The following MED13 variants were observed in gnomAD, a reference collection of about 807,000 sequenced individuals.
The protein encoded by MED13 is mediator complex subunit 13.
In MED13, 23 loss-of-function variants were observed where a neutral mutation model predicts 225.2. That is an observed-to-expected ratio of 0.10 (90% CI 0.07 to 0.14). MED13 has a LOEUF of 0.14. MED13 is among the 10% of genes least tolerant of loss of function. MED13 has a pLI of 1.00. For missense variants in MED13, 2,197 were observed against 2,594.5 expected, an observed-to-expected ratio of 0.85 and a Z score of 3.33; for synonymous variants, 942 against 889.2, an observed-to-expected ratio of 1.06 and a Z score of -1.06.
rs757108446 is a variant in MED13 at position 62,031,481 on chromosome 17, C to T, written c.972G>A (p.Thr324=). The change falls in exon 6 of 30, where the codon ACG becomes ACA. Residue 324 remains threonine (T), a synonymous_variant. Coordinates refer to ENST00000397786, the MANE Select transcript of MED13 (RefSeq NM_005121.3). ...CCTCAGGAGACGTAGGTGGTGTAAG[C>T]GTAACCGAAGACATAGCAGGATCTC... ...STRDPAMSSV[T]LTPPTSPEEV... 24 of 1,612,818 alleles carry T rather than the reference C, an allele frequency of 1.5e-5. No homozygotes were observed. Among genetic ancestry groups the T allele is most frequent in the African/African-American group, 5.3e-5 (4 of 74,856 alleles).
chr17:62,059,013 A>C (rs1322287299), intron 2 of MED13, among the ~76,000 whole-genome samples: 1 of 152,246 alleles, frequency 6.6e-6, no homozygotes. Flanking sequence ...GCACTATGGA[A>C]TCTGAACAGA....
intron 8 of MED13, among the ~76,000 whole-genome samples, chr17:62,022,719 C>G (rs1321129633): frequency 1.3e-5 from 2 of 152,074 alleles, no homozygotes; most frequent in East Asian, 3.9e-4. Context: ...CAGAATAATA[C>G]TTATGTGAGG....
chr17:61,947,297 T>G (rs2079859034), intron 28 of MED13, among the ~76,000 whole-genome samples: 1 of 151,904 alleles, frequency 6.6e-6, no homozygotes, highest in Admixed American at 6.6e-5. Context: ...CCTCCCAAAG[T>G]GCTGGGATTA....
chr17:62,047,428 A>C (rs975865723), intron 3 of MED13, among the ~76,000 whole-genome samples: 1 of 152,126 alleles, frequency 6.6e-6, no homozygotes, highest in African/African-American at 2.4e-5. Context: ...GCTGGAAACC[A>C]TCATCCTCAG....
chr17:61,946,309 T>C lies in MED13; in HGVS notation c.*159A>G, dbSNP rs942754600. On this transcript the variant is annotated 3_prime_UTR_variant, in exon 30 of 30. Transcript: ENST00000397786. ...TAGAGTCAATGAAAAATAGCAGGGT[T>C]ATAGCCCCTCCCCCCAAGTCAAAAC... 4 of 796,202 alleles carry C rather than the reference T, an allele frequency of 5.0e-6. No individual in the cohort carries two copies. Among genetic ancestry groups the C allele is most frequent in the Non-Finnish European group, 7.7e-6 (4 of 518,844 alleles). The allele number at this position is 796,202 out of a possible 1,614,324, so 49.3% of individuals were successfully genotyped here.
chr17:62,055,683 C>T (rs1326250187), intron 2 of MED13, among the ~76,000 whole-genome samples: 2 of 151,688 alleles, frequency 1.3e-5, no homozygotes, highest in East Asian at 1.9e-4. Context: ...CTTAGCTGGG[C>T]GAGATGGCAT....
At chr17:61,969,199 T>C (rs2080085133) in intron 17 of MED13, among the ~76,000 whole-genome samples, 2 of 152,000 alleles carry the variant, frequency 1.3e-5, no homozygotes, top group African/African-American at 4.8e-5. Context: ...CTATTAAAAA[T>C]ACAAAATTAG....
chr17:62,049,789 G>A (rs906974865), intron 3 of MED13, among the ~76,000 whole-genome samples: 5 of 151,868 alleles, frequency 3.3e-5, no homozygotes, highest in African/African-American at 1.2e-4. Context: ...AATTAGCTGG[G>A]CGTGGTGGCG....
At position 61,995,335 on chromosome 17, in the gene MED13, T is replaced by C; in HGVS notation, c.1998A>G (p.Lys666=). ...ELMVQCKKPL[K]VSDELVQQYQ... ...ATTGCTGCACTAATTCATCAGAAACTTTTAAAGGTTTCTTACATTGCACCA... is the reference window on the plus strand; with the variant it reads ...ATTGCTGCACTAATTCATCAGAAACCTTTAAAGGTTTCTTACATTGCACCA... Residue 666 remains lysine, a synonymous_variant, in exon 10 of 30, where the codon AAA becomes AAG. Transcript: ENST00000397786. 1 of 1,612,194 alleles carries C rather than the reference T, an allele frequency of 6.2e-7. No homozygotes were observed.
chr17:62,033,307 AT>A (rs1163876625), intron 5 of MED13, among the ~76,000 whole-genome samples: 1 of 152,240 alleles, frequency 6.6e-6, no homozygotes, highest in Non-Finnish European at 1.5e-5. Context: ...TTAAAACATC[AT>A]ACAACACAGG....
intron 12 of MED13, among the ~76,000 whole-genome samples, chr17:61,985,732 CT>C (rs1425447549): frequency 1.3e-5 from 2 of 152,098 alleles, no homozygotes; most frequent in African/African-American, 4.8e-5. Flanking sequence ...ATTAGAAATG[CT>C]TCTTGGTAAA....
intron 8 of MED13, among the ~76,000 whole-genome samples, chr17:62,018,594 G>A (rs528126280): frequency 2.0e-5 from 3 of 152,150 alleles, no homozygotes; most frequent in Non-Finnish European, 2.9e-5. Flanking sequence ...CATGCCTGTA[G>A]TCCCAGCTAC....
At chr17:62,036,104 T>TTA (rs2080801093) in intron 3 of MED13, among the ~76,000 whole-genome samples, 3 of 149,920 alleles carry the variant, frequency 2.0e-5, no homozygotes. Flanking sequence ...TTTTTTTTTT[T>TTA]AAAGAAAAAA....
chr17:61,965,504 T>C (rs758926718), intron 19 of MED13, 36 bp from the exon 20 acceptor site: 1 of 1,544,260 alleles, frequency 6.5e-7, no homozygotes, highest in South Asian at 1.2e-5. Context: ...TTTAATTCTT[T>C]ATTTCACTGA....
In MED13 at chr17:61,978,113, T is replaced by A. The variant is rs2080172063; in HGVS notation, c.3805+4085A>T. Among the ~76,000 whole-genome samples the A allele has an allele frequency of 2.0e-5, 3 of 151,750 alleles. 1 individual carries two copies. The South Asian group carries it at 6.2e-4, about 32-fold the overall frequency. ...ATCCTCCTGCTGCTGTCATTACCAC[T>A]ACTAACATCTGAGTTCTTACTATGT... On this transcript the variant is annotated intron_variant, in intron 16 of 29. Transcript: ENST00000397786.
At chr17:62,063,959 G>A (rs951756299) in intron 1 of MED13, among the ~76,000 whole-genome samples, 3 of 152,164 alleles carry the variant, frequency 2.0e-5, no homozygotes, top group South Asian at 4.1e-4. Context: ...ACATTGAAAA[G>A]AAAAACATAC....
rs2079827747 is a variant in MED13, at chr17:61,943,199, T to G, written c.*3269A>C. 6.6e-6 allele frequency: 1 copy of G among 152,486 alleles called. No individual in the cohort carries two copies. Among genetic ancestry groups the G allele is most frequent in the Non-Finnish European group, 1.5e-5 (1 of 67,976 alleles). 9.4% of individuals were successfully genotyped at this position (152,486 alleles called of 1,614,324 possible). The stretch of plus-strand genomic sequence containing the variant: ...ACATTTTTCCTTAATTCAGACAAAC[T>G]AAAATCTTAAGAGGAAACCCAGACC... On this transcript the variant is annotated 3_prime_UTR_variant, in exon 30 of 30. Transcript: ENST00000397786.
intron 2 of MED13, among the ~76,000 whole-genome samples, chr17:62,058,121 TTGACCAGAGGGACTGAGC>T (rs2081009588): frequency 1.3e-5 from 2 of 152,196 alleles, no homozygotes; most frequent in African/African-American, 4.8e-5. Flanking sequence ...ACAGAGATTC[TTGACCAGAGGGACTGAGC>T]TAAGATTTTC....
rs75964731 is a variant in MED13 at position 62,002,563 on chromosome 17, C to T, written c.1968-7198G>A. The stretch of plus-strand genomic sequence containing the variant: ...TGGAATTTATTTTAATGACAGGGAA[C>T]ATCATCTAACTTTGTCAATTGGCTG... On this transcript the variant is annotated intron_variant, in intron 9 of 29. Coordinates refer to ENST00000397786, the MANE Select transcript of MED13 (RefSeq NM_005121.3). Among the ~76,000 whole-genome samples the T allele has an allele frequency of 2.2e-3, 332 of 148,048 alleles. 1 individual carries two copies. The highest frequency in any genetic ancestry group is 7.7e-3 in the African/African-American group (309 of 39,928).
Sources: gnomAD v4.1 joint callset for allele counts (sites outside exome capture counted in the v4.1 genomes callset) on GRCh38, gnomAD v4.1.1 for gene constraint, MANE v1.5 for transcripts, NCBI Gene and HGNC (gene_info 2026-07-23, HGNC 2026-07-21) for gene names.